The following DMD variants were observed in gnomAD, a reference collection of about 807,000 sequenced individuals.
The protein encoded by DMD is mutant dystrophin.
Under a neutral mutation model 330.1 loss-of-function variants are expected in DMD, and 63 were observed. That is an observed-to-expected ratio of 0.19 (90% CI 0.16 to 0.24). DMD has a LOEUF of 0.24. Ranked by LOEUF, DMD falls within the 10% of genes least tolerant of loss-of-function variation. The pLI is 1.00. For missense variants in DMD, 3,344 were observed against 2,684.1 expected (o/e 1.25, Z -5.43); for synonymous variants, 1,223 against 959.8 (o/e 1.27, Z -5.07).
In DMD at chrX:32,887,745, CAAAAAAAAAAAAAAAAAA is replaced by C. The variant is rs771100080; in HGVS notation, c.94-37943_94-37926del. Among the ~76,000 whole-genome samples, 9 of 6,490 alleles carry C rather than the reference CAAAAAAAAAAAAAAAAAA, an allele frequency of 1.4e-3. No homozygotes were observed. In the Admixed American group the frequency reaches 0.015, roughly 10 times the overall value. The allele number at this position is 6,490 out of a possible 115,157, so 5.6% of individuals were successfully genotyped here. ...CCTGGGTGACAAAGCAAGACTGTCT[CAAAAAAAAAAAAAAAAAA>C]AAAAAAAAAAAAACATCAACTAAAA... is the stretch of plus-strand genomic sequence containing the variant. On this transcript the variant is annotated intron_variant, in intron 2 of 78. Coordinates refer to ENST00000357033, the MANE Select transcript of DMD (RefSeq NM_004006.3).
At chrX:31,695,402 A>C (rs1232304972) in intron 52 of DMD, among the ~76,000 whole-genome samples, 2 of 110,638 alleles carry the variant, frequency 1.8e-5, no homozygotes, top group Admixed American at 1.9e-4. Flanking sequence ...TTAATTGTAC[A>C]TTAAAAAATA....
At chrX:33,171,006 T>C (rs1049550819) in intron 1 of DMD, among the ~76,000 whole-genome samples, 3 of 112,044 alleles carry the variant, frequency 2.7e-5, no homozygotes, top group Non-Finnish European at 5.7e-5. Context: ...GTTTCTAGAC[T>C]CTTTATTCTG....
rs752103288 is a variant in DMD, at chrX:32,511,521, C to CGGG, written c.2292+6484_2292+6486dup. On this transcript the variant is annotated intron_variant, in intron 18 of 78. Coordinates refer to ENST00000357033, the MANE Select transcript of DMD (RefSeq NM_004006.3). ...TGGGTGACAGAGCGAGGCTCCGTCT[C>CGGG]GGGAAAAAAAAAAAAAAAAAAAAAA... is the stretch of plus-strand genomic sequence containing the variant. 9.2e-3 allele frequency among the ~76,000 whole-genome samples: 525 copies of CGGG among 57,059 alleles called. 3 individuals are homozygous for CGGG. The highest frequency in any genetic ancestry group is 0.013 in the Non-Finnish European group (426 of 33,719). 49.5% of individuals were successfully genotyped at this position (57,059 alleles called of 115,157 possible).
chrX:32,932,995 T>C (rs1192956046), intron 2 of DMD, among the ~76,000 whole-genome samples: 1 of 111,593 alleles, frequency 9.0e-6, no homozygotes, highest in East Asian at 2.8e-4. Context: ...ATATGGAAAA[T>C]TCACCTTATC....
intron 1 of DMD, among the ~76,000 whole-genome samples, chrX:33,175,240 T>C (rs139704122): frequency 0.017 from 1,963 of 112,539 alleles, 42 homozygotes; most frequent in African/African-American, 0.061. Flanking sequence ...AGCTTGACAC[T>C]GCATGCAGGA....
At chrX:31,543,811 A>C (rs944969223) in intron 55 of DMD, among the ~76,000 whole-genome samples, 12 of 111,434 alleles carry the variant, frequency 1.1e-4, no homozygotes, top group African/African-American at 3.9e-4. Flanking sequence ...GTGCAAATAT[A>C]AACAGTGAAC....
intron 41 of DMD, among the ~76,000 whole-genome samples, chrX:32,330,277 A>G (rs764785550): frequency 1.8e-5 from 2 of 112,559 alleles, no homozygotes; most frequent in African/African-American, 6.4e-5. Flanking sequence ...CAGGAGAATT[A>G]TCAGATAACT....
chrX:32,616,908 C>T (rs946086992), intron 11 of DMD, among the ~76,000 whole-genome samples: 1 of 109,059 alleles, frequency 9.2e-6, no homozygotes, highest in South Asian at 4.0e-4. Context: ...TCTCTCTCCA[C>T]CTTGTGACTT....
At chrX:32,090,482 T>C (rs779030427) in intron 44 of DMD, among the ~76,000 whole-genome samples, 42 of 111,488 alleles carry the variant, frequency 3.8e-4, no homozygotes, top group Non-Finnish European at 7.4e-4. Flanking sequence ...CCTCCCACCT[T>C]ACAGCTACTA....
chrX:31,552,517 C>T (rs1450505507), intron 55 of DMD, among the ~76,000 whole-genome samples: 2 of 111,237 alleles, frequency 1.8e-5, no homozygotes, highest in Non-Finnish European at 3.8e-5. Context: ...GGAGGCAGCA[C>T]GACCTTGGAG....
chrX:31,807,779 A>T (rs895313503), intron 50 of DMD, among the ~76,000 whole-genome samples: 7 of 111,616 alleles, frequency 6.3e-5, no homozygotes, highest in African/African-American at 1.9e-4. Flanking sequence ...CATGCACAAT[A>T]TGGTAGAATT....
At chrX:31,997,418 A>G (rs888423488) in intron 44 of DMD, among the ~76,000 whole-genome samples, 19 of 89,760 alleles carry the variant, frequency 2.1e-4, no homozygotes, top group African/African-American at 8.5e-4. Flanking sequence ...AGGCATCTCT[A>G]TTTTTTTTTG....
chrX:31,889,486 A>G (rs1239002107), intron 47 of DMD, among the ~76,000 whole-genome samples: 1 of 110,530 alleles, frequency 9.0e-6, no homozygotes, highest in East Asian at 2.8e-4. Context: ...TGGATTTTAT[A>G]GGGATTTATA....
chrX:32,068,043 C>T (rs760572194), intron 44 of DMD, among the ~76,000 whole-genome samples: 3 of 111,667 alleles, frequency 2.7e-5, no homozygotes, highest in Non-Finnish European at 5.7e-5. Context: ...TTTAACAAAG[C>T]CAGTCTGACG....
At chrX:32,598,484 T>G (rs761973715) in intron 12 of DMD, among the ~76,000 whole-genome samples, 2 of 112,028 alleles carry the variant, frequency 1.8e-5, no homozygotes, top group Non-Finnish European at 3.8e-5. Context: ...TTTTCTGAAT[T>G]TAGTCAATTC....
chrX:33,019,752 T>G (rs1361031862), intron 2 of DMD, among the ~76,000 whole-genome samples: 2 of 111,554 alleles, frequency 1.8e-5, no homozygotes, highest in Admixed American at 9.6e-5. Flanking sequence ...TTGCTTTTCT[T>G]GAACTTGGTA....
intron 48 of DMD, among the ~76,000 whole-genome samples, chrX:31,843,139 G>T (rs1476945531): frequency 8.9e-6 from 1 of 112,163 alleles, no homozygotes; most frequent in African/African-American, 3.2e-5. Context: ...CATCTAGGTT[G>T]ATTCCTTGGC....
At chrX:32,529,207 G>C (rs2047225092) in intron 17 of DMD, among the ~76,000 whole-genome samples, 1 of 106,533 alleles carries the variant, frequency 9.4e-6, no homozygotes, top group Admixed American at 1.0e-4. Flanking sequence ...TTACAGGTGT[G>C]AGCCACCGCG....
At chrX:32,042,227 G>A (rs1379917876) in intron 44 of DMD, among the ~76,000 whole-genome samples, 2 of 104,836 alleles carry the variant, frequency 1.9e-5, no homozygotes, top group East Asian at 6.1e-4. Context: ...ACACATATAT[G>A]TGCAATAAAG....
Sources: allele counts gnomAD v4.1 joint callset (sites outside exome capture counted in the v4.1 genomes callset), GRCh38; gene constraint gnomAD v4.1.1; transcripts MANE v1.5; gene names NCBI Gene and HGNC (gene_info 2026-07-23, HGNC 2026-07-21).